TRDN: variants seen among roughly 807,000 people sequenced by gnomAD.
The protein encoded by TRDN is triadin.
TRDN carries 161 observed loss-of-function variants against 149.7 expected under a neutral mutation model. The observed-to-expected ratio is 1.08, with a 90% CI of 0.95 to 1.23. The LOEUF (loss-of-function observed/expected upper bound fraction) is 1.23. Ranked by LOEUF, TRDN falls within the 50% of genes most tolerant of loss-of-function variation. TRDN has a pLI of 0.00. For synonymous variants in TRDN, 294 were observed against 250.5 expected (o/e 1.17, Z -1.64); for missense variants, 896 against 823.5 (o/e 1.09, Z -1.08).
chr6:123,338,064 T>C (rs1204859130), intron 21 of TRDN, among the ~76,000 whole-genome samples: 1 of 152,190 alleles, frequency 6.6e-6, no homozygotes, highest in Non-Finnish European at 1.5e-5. Context: ...TTATTTCTAC[T>C]TTTCACATAA....
At chr6:123,472,364 C>G (rs1229614260) in intron 9 of TRDN, among the ~76,000 whole-genome samples, 1 of 152,240 alleles carries the variant, frequency 6.6e-6, no homozygotes, top group Non-Finnish European at 1.5e-5. Context: ...GAATACTGCG[C>G]TTTTCCGACA....
intron 10 of TRDN, among the ~76,000 whole-genome samples, chr6:123,442,658 T>A (rs1207578691): frequency 1.3e-5 from 2 of 151,094 alleles, no homozygotes; most frequent in African/African-American, 4.9e-5. Flanking sequence ...ATAATGATAA[T>A]AATGACAAGC....
chr6:123,254,958 C>T, intron 37 of TRDN, 123 bp downstream of exon 37: 1 of 631,896 alleles, frequency 1.6e-6, no homozygotes, highest in Non-Finnish European at 2.9e-6. Flanking sequence ...ACTTCCTCTG[C>T]TATTAAGAGA....
At chr6:123,374,771 C>A (rs1307386529) in intron 19 of TRDN, among the ~76,000 whole-genome samples, 2 of 150,470 alleles carry the variant, frequency 1.3e-5, no homozygotes, top group Admixed American at 6.6e-5. Flanking sequence ...AAGACTCCAT[C>A]AAAAAAAACA....
At chr6:123,306,738 C>T (rs1021790629) in intron 24 of TRDN, among the ~76,000 whole-genome samples, 2 of 152,032 alleles carry the variant, frequency 1.3e-5, no homozygotes, top group Non-Finnish European at 2.9e-5. Context: ...TGTCTTTGTT[C>T]TTTAGACATA....
At position 123,551,203 on chromosome 6, in the gene TRDN, G is replaced by GATATATATATATATATATATATATAT. The variant is rs10547981; in HGVS notation, c.233-2592_233-2591insATATATATATATATATATATATATAT. Among the ~76,000 whole-genome samples, 603 of 117,914 alleles carry GATATATATATATATATATATATATAT rather than the reference G, an allele frequency of 5.1e-3. 22 individuals carry two copies. The highest frequency in any genetic ancestry group is 7.0e-3 in the Non-Finnish European group (372 of 53,248). 77.4% of individuals were successfully genotyped at this position (117,914 alleles called of 152,430 possible). A position where few individuals can be genotyped will look rare whatever the true frequency, so the allele number is the denominator to read the frequency against. On this transcript the variant is annotated intron_variant, in intron 2 of 40. Transcript: ENST00000334268. ...TTAAATGCACTGTATGTATTTTGCA[G>GATATATATATATATATATATATATAT]ATATATATATATATATATATTGCCT...
chr6:123,535,863 TATC>T (rs1251486159), intron 4 of TRDN, among the ~76,000 whole-genome samples: 1 of 152,182 alleles, frequency 6.6e-6, no homozygotes, highest in Non-Finnish European at 1.5e-5. Flanking sequence ...ATAATTAAAA[TATC>T]ATGCATTTTG....
At chr6:123,418,183 C>T (rs1773735684) in intron 12 of TRDN, among the ~76,000 whole-genome samples, 1 of 152,058 alleles carries the variant, frequency 6.6e-6, no homozygotes, top group Non-Finnish European at 1.5e-5. Context: ...TTTAGGAATA[C>T]ACACCAGCTG....
At chr6:123,301,365 A>T (rs1427800848) in intron 24 of TRDN, among the ~76,000 whole-genome samples, 1 of 151,956 alleles carries the variant, frequency 6.6e-6, no homozygotes. Flanking sequence ...CTTGAAATCA[A>T]GTTGGCCATG....
chr6:123,380,874 C>A (rs940848379), intron 16 of TRDN, among the ~76,000 whole-genome samples: 56 of 151,832 alleles, frequency 3.7e-4, no homozygotes, highest in African/African-American at 1.3e-3. Flanking sequence ...TGAATAGCAA[C>A]CCTATTAGAC....
At chr6:123,321,898 G>A (rs148139729) in intron 23 of TRDN, among the ~76,000 whole-genome samples, 1 of 152,034 alleles carries the variant, frequency 6.6e-6, no homozygotes, top group African/African-American at 2.4e-5. Context: ...CTTTGAGTTT[G>A]ATTTTGAACT....
chr6:123,414,440 G>A (rs902105018), intron 12 of TRDN, among the ~76,000 whole-genome samples: 17 of 152,112 alleles, frequency 1.1e-4, no homozygotes, highest in African/African-American at 4.1e-4. Context: ...GGAATATATT[G>A]GATATTAGTA....
At chr6:123,318,109 A>G (rs1241322775) in intron 23 of TRDN, among the ~76,000 whole-genome samples, 1 of 152,012 alleles carries the variant, frequency 6.6e-6, no homozygotes, top group East Asian at 1.9e-4. Flanking sequence ...CTATCTAATT[A>G]CTTAGTCTAC....
intron 5 of TRDN, among the ~76,000 whole-genome samples, chr6:123,522,924 C>G (rs1779758448): frequency 6.6e-6 from 1 of 150,880 alleles, no homozygotes; most frequent in African/African-American, 2.4e-5. Flanking sequence ...GAGCCCATAT[C>G]CCTTTGTTCA....
At chr6:123,464,093 T>C (rs1164438010) in intron 10 of TRDN, among the ~76,000 whole-genome samples, 1 of 152,234 alleles carries the variant, frequency 6.6e-6, no homozygotes, top group African/African-American at 2.4e-5. Flanking sequence ...TTAGCTTTAA[T>C]TACTGGTGTT....
intron 10 of TRDN, 125 bp downstream of exon 10, chr6:123,464,781 A>G: frequency 6.8e-7 from 1 of 1,472,600 alleles, no homozygotes; most frequent in Non-Finnish European, 9.0e-7. Context: ...TAGTTTAGAC[A>G]TACTAAAAGT....
Position 123,530,562 on chromosome 6 carries a change from A to T in TRDN, c.428T>A (p.Ile143Lys). The T allele has an allele frequency of 8.0e-7, 1 of 1,244,428 alleles. No individual in the cohort carries two copies. Among genetic ancestry groups the T allele is most frequent in the East Asian group, 3.0e-5 (1 of 32,858 alleles). 77.1% of individuals were successfully genotyped at this position (1,244,428 alleles called of 1,614,324 possible). Reference sequence around the variant, plus strand: ...TTGTTTTTCAGTCTTATCTTTGTGTATTTCTAAGAAAAAATAGAATTTATA... The same window carrying T: ...TTGTTTTTCAGTCTTATCTTTGTGTTTTTCTAAGAAAAAATAGAATTTATA... Reference protein sequence around the residue: ...IDEPPLRKKEIHKDKTEKQEK... With the variant: ...IDEPPLRKKEKHKDKTEKQEK... The change falls in exon 5 of 41, where the codon ATA becomes AAA. Residue 143 changes from isoleucine (I) to lysine (K), a missense_variant. Ile to Lys is a moderately radical substitution (Grantham distance 102, BLOSUM62 -3). Coordinates refer to ENST00000334268, the MANE Select transcript of TRDN (RefSeq NM_006073.4).
At chr6:123,609,759 T>C (rs1784702023) in intron 1 of TRDN, among the ~76,000 whole-genome samples, 1 of 152,184 alleles carries the variant, frequency 6.6e-6, no homozygotes, top group Non-Finnish European at 1.5e-5. Flanking sequence ...GTATCCTACT[T>C]ATGTGCTATC....
At chr6:123,454,128 G>C (rs1775960444) in intron 10 of TRDN, among the ~76,000 whole-genome samples, 1 of 151,948 alleles carries the variant, frequency 6.6e-6, no homozygotes, top group Admixed American at 6.6e-5. Flanking sequence ...GCGGACTTGG[G>C]GGAAGAGTGG....
Sources: gnomAD v4.1 joint callset for allele counts (sites outside exome capture counted in the v4.1 genomes callset) on GRCh38, gnomAD v4.1.1 for gene constraint, MANE v1.5 for transcripts, NCBI Gene and HGNC (gene_info 2026-07-23, HGNC 2026-07-21) for gene names.